Variants in AP3S1 observed in about 807,000 individuals in gnomAD.
The protein encoded by AP3S1 is adaptor related protein complex 3 subunit sigma 1, also known as AP-3 complex subunit sigma-1.
In AP3S1, 12 loss-of-function variants were observed where a neutral mutation model predicts 21.3. The ratio of observed to expected loss-of-function variants is 0.56; its 90% CI spans 0.36 to 0.91. The LOEUF is 0.91. Ranked by LOEUF, AP3S1 falls within the 40% of genes least tolerant of loss-of-function variation. The pLI is 0.01. For missense variants in AP3S1, 116 were observed against 225.0 expected (o/e 0.52, Z 3.10); for synonymous variants, 48 against 78.4 (o/e 0.61, Z 2.05).
At chr5:115,858,301 A>G (rs1762935949) in intron 1 of AP3S1, among the ~76,000 whole-genome samples, 1 of 152,216 alleles carries the variant, frequency 6.6e-6, no homozygotes, top group Non-Finnish European at 1.5e-5. Flanking sequence ...TGCATATAAA[A>G]TTTTAGGTTA....
chr5:115,864,363 A>G (rs1284593398), intron 1 of AP3S1, among the ~76,000 whole-genome samples: 1 of 152,200 alleles, frequency 6.6e-6, no homozygotes, highest in African/African-American at 2.4e-5. Context: ...CCATGAGTTC[A>G]ACACCAAAGG....
At chr5:115,868,314 A>G (rs1318972921) in intron 2 of AP3S1, among the ~76,000 whole-genome samples, 1 of 152,208 alleles carries the variant, frequency 6.6e-6, no homozygotes, top group East Asian at 1.9e-4. Flanking sequence ...TCGCTGATTC[A>G]GAATGGAGTA....
intron 1 of AP3S1, among the ~76,000 whole-genome samples, chr5:115,848,499 A>T (rs540273275): frequency 6.4e-4 from 97 of 152,350 alleles, no homozygotes; most frequent in African/African-American, 2.2e-3. Context: ...TGTCCTAAGA[A>T]ATGTGTATAT....
At chr5:115,896,946 T>C (rs187040557) in intron 4 of AP3S1, among the ~76,000 whole-genome samples, 2 of 152,272 alleles carry the variant, frequency 1.3e-5, no homozygotes, top group East Asian at 3.9e-4. Context: ...AAGGTTCTTA[T>C]ATTTTTTTTA....
chr5:115,885,932 TGTAA>T (rs765145923), intron 3 of AP3S1, among the ~76,000 whole-genome samples: 3 of 152,240 alleles, frequency 2.0e-5, no homozygotes, highest in Non-Finnish European at 2.9e-5. Flanking sequence ...ATGTGGGTGC[TGTAA>T]GTATGGACAG....
At chr5:115,887,199 A>AT (rs1561509542) in intron 3 of AP3S1, among the ~76,000 whole-genome samples, 1 of 152,088 alleles carries the variant, frequency 6.6e-6, no homozygotes, top group Non-Finnish European at 1.5e-5. Flanking sequence ...TTGTAATGGT[A>AT]TTTTTTAGTT....
At chr5:115,854,649 A>G (rs1450513607) in intron 1 of AP3S1, among the ~76,000 whole-genome samples, 1 of 150,268 alleles carries the variant, frequency 6.7e-6, no homozygotes, top group East Asian at 1.9e-4. Context: ...AAATGTTTGG[A>G]GTGCTCTGAG....
rs141946574 is a variant in AP3S1, at chr5:115,889,580, G to C, written c.274-5507G>C. The stretch of plus-strand genomic sequence containing the variant: ...GATTTTATTGGAATGGAAAAATTCT[G>C]TTCTTCCAAGGGCACTGTTAGGAGA... On this transcript the variant is annotated intron_variant, in intron 3 of 5. Coordinates refer to ENST00000316788, the MANE Select transcript of AP3S1 (RefSeq NM_001284.4). 5.1e-3 allele frequency among the ~76,000 whole-genome samples: 770 copies of C among 152,266 alleles called. 2 individuals are homozygous for C. The highest frequency in any genetic ancestry group is 7.2e-3 in the South Asian group (35 of 4,828).
intron 3 of AP3S1, among the ~76,000 whole-genome samples, chr5:115,875,556 T>C (rs1176322418): frequency 6.6e-6 from 1 of 152,110 alleles, no homozygotes; most frequent in Non-Finnish European, 1.5e-5. Context: ...CACTTGGAAA[T>C]TGTGGGAATT....
intron 3 of AP3S1, among the ~76,000 whole-genome samples, chr5:115,891,746 A>G (rs1750324933): frequency 6.6e-6 from 1 of 152,096 alleles, no homozygotes; most frequent in African/African-American, 2.4e-5. Flanking sequence ...AGATCCACTG[A>G]CAGCTTGCAC....
intron 5 of AP3S1, among the ~76,000 whole-genome samples, chr5:115,911,118 C>T (rs1048794721): frequency 6.6e-6 from 1 of 152,086 alleles, no homozygotes; most frequent in African/African-American, 2.4e-5. Flanking sequence ...TAGCAGCCAA[C>T]AGTCGACACC....
At chr5:115,842,222 C>T in intron 1 of AP3S1, 116 bp downstream of exon 1, 2 of 1,384,932 alleles carry the variant, frequency 1.4e-6, no homozygotes, top group East Asian at 3.0e-5. Flanking sequence ...TGTCCCGTCC[C>T]GGCCGCCTGG....
In AP3S1 at chr5:115,884,035, C is replaced by G. The variant is rs1749546728; in HGVS notation, c.274-11052C>G. ...AATTTCCTATAGTACAAGCACTCCT[C>G]ACTTTGCAGATTACCATGGTAATAA... On this transcript the variant is annotated intron_variant, in intron 3 of 5. Coordinates refer to ENST00000316788, the MANE Select transcript of AP3S1 (RefSeq NM_001284.4). Among the ~76,000 whole-genome samples, 4 of 152,268 alleles carry G rather than the reference C, an allele frequency of 2.6e-5. No homozygotes were observed. The South Asian group carries it at 8.3e-4, about 32-fold the overall frequency.
chr5:115,903,169 T>C, intron 5 of AP3S1, 177 bp downstream of exon 5: 1 of 463,182 alleles, frequency 2.2e-6, no homozygotes, highest in South Asian at 2.4e-5. Context: ...GTGACTGTTC[T>C]CTACCCAACA....
chr5:115,901,223 A>G (rs1374438341), intron 4 of AP3S1, among the ~76,000 whole-genome samples: 1 of 152,122 alleles, frequency 6.6e-6, no homozygotes, highest in Admixed American at 6.5e-5. Flanking sequence ...AGATATGCAT[A>G]TACACACGTA....
At chr5:115,866,490 T>C (rs1763630800) in intron 1 of AP3S1, among the ~76,000 whole-genome samples, 180 bp from the exon 2 acceptor site, 1 of 152,064 alleles carries the variant, frequency 6.6e-6, no homozygotes, top group Non-Finnish European at 1.5e-5. Flanking sequence ...GTTTTTTTTC[T>C]TTTTCATCAA....
chr5:115,871,803 A>G (rs931353894), intron 3 of AP3S1, among the ~76,000 whole-genome samples: 2 of 152,260 alleles, frequency 1.3e-5, no homozygotes, highest in Admixed American at 1.3e-4. Flanking sequence ...TTACTCTCCC[A>G]TACCTCTAGA....
At chr5:115,877,830 G>A (rs143747682) in intron 3 of AP3S1, among the ~76,000 whole-genome samples, 254 of 152,216 alleles carry the variant, frequency 1.7e-3, no homozygotes, top group African/African-American at 5.7e-3. Flanking sequence ...GTGTAAAAGC[G>A]TTCCTGTTTC....
chr5:115,867,788 G>C (rs1747824127), intron 2 of AP3S1, among the ~76,000 whole-genome samples: 1 of 152,102 alleles, frequency 6.6e-6, no homozygotes, highest in African/African-American at 2.4e-5. Context: ...CTAGCCTCTT[G>C]ATTTCTTATC....
Sources: gnomAD v4.1 joint callset for allele counts (sites outside exome capture counted in the v4.1 genomes callset) on GRCh38, gnomAD v4.1.1 for gene constraint, MANE v1.5 for transcripts, NCBI Gene and HGNC (gene_info 2026-07-23, HGNC 2026-07-21) for gene names.